PDGFC: variants seen among roughly 807,000 people sequenced by gnomAD.
The protein encoded by PDGFC is platelet derived growth factor C.
Under a neutral mutation model 35.5 loss-of-function variants are expected in PDGFC, and 12 were observed. The observed-to-expected ratio is 0.34, with a 90% confidence interval of 0.22 to 0.55. The LOEUF (loss-of-function observed/expected upper bound fraction) is 0.55, where lower values mean the gene tolerates loss of function less well. Among genes scored for constraint, PDGFC ranks in the 20% least tolerant of loss-of-function variants. The pLI, the probability that PDGFC is intolerant of heterozygous loss-of-function variation, is 0.91. For synonymous variants in PDGFC, 159 were observed against 148.8 expected (o/e 1.07, Z -0.50); for missense variants, 322 against 412.4 (o/e 0.78, Z 1.90).
intron 2 of PDGFC, among the ~76,000 whole-genome samples, chr4:156,825,582 A>G (rs1424668371): frequency 5.5e-5 from 6 of 109,638 alleles, no homozygotes; most frequent in African/African-American, 2.5e-4. Flanking sequence ...TAATAATAAT[A>G]ATAATAATAA....
At chr4:156,917,746 C>T (rs1338287678) in intron 1 of PDGFC, among the ~76,000 whole-genome samples, 1 of 152,180 alleles carries the variant, frequency 6.6e-6, no homozygotes, top group Non-Finnish European at 1.5e-5. Flanking sequence ...ACATGAGTTA[C>T]ACTCAACCGA....
chr4:156,761,661 T>C lies in PDGFC; in HGVS notation c.*1429A>G, dbSNP rs1234689793. ...TTCTTTTATTTGATGATTCAATACA[T>C]TTTTGATTCAAATAGTCACCACATA... On this transcript the variant is annotated 3_prime_UTR_variant, in exon 6 of 6. Transcript: ENST00000502773. 6.6e-6 allele frequency: 1 copy of C among 152,662 alleles called. No individual in the cohort carries two copies. The highest frequency in any genetic ancestry group is 1.5e-5 in the Non-Finnish European group (1 of 68,034). 9.5% of individuals were successfully genotyped at this position (152,662 alleles called of 1,614,324 possible). A position where few individuals can be genotyped will look rare whatever the true frequency, so the allele number is the denominator to read the frequency against.
At chr4:156,763,712 C>T (rs1396530079) in intron 5 of PDGFC, among the ~76,000 whole-genome samples, 4 of 152,228 alleles carry the variant, frequency 2.6e-5, no homozygotes, top group African/African-American at 9.6e-5. Flanking sequence ...CATTAATTTT[C>T]TTGGCTACAC....
chr4:156,904,702 C>T (rs965365043), intron 1 of PDGFC, among the ~76,000 whole-genome samples: 1 of 152,074 alleles, frequency 6.6e-6, no homozygotes, highest in Non-Finnish European at 1.5e-5. Flanking sequence ...ACCTCCTCAG[C>T]AAATCCTTCC....
Position 156,949,809 on chromosome 4 carries a change from C to T in PDGFC, c.118+20977G>A, listed in dbSNP as rs76695187. 4.5e-3 allele frequency among the ~76,000 whole-genome samples: 680 copies of T among 152,036 alleles called. 22 individuals carry two copies. The East Asian group carries it at 0.1, about 23-fold the overall frequency. Reference sequence around the variant, plus strand: ...AGAAAACAGAACTGTTTCCCCTTCCCCTACGTCCCCTTGAGGACATACCTG... The same window carrying T: ...AGAAAACAGAACTGTTTCCCCTTCCTCTACGTCCCCTTGAGGACATACCTG... On this transcript the variant is annotated intron_variant, in intron 1 of 5. Transcript: ENST00000502773.
intron 1 of PDGFC, among the ~76,000 whole-genome samples, chr4:156,901,128 G>A (rs888807795): frequency 6.6e-6 from 1 of 152,128 alleles, no homozygotes; most frequent in Non-Finnish European, 1.5e-5. Context: ...AAATCCTTTG[G>A]TATGTTTCTT....
intron 1 of PDGFC, among the ~76,000 whole-genome samples, chr4:156,963,632 G>A (rs777316371): frequency 7.2e-5 from 11 of 152,094 alleles, no homozygotes; most frequent in Non-Finnish European, 1.2e-4. Flanking sequence ...GCAAATAACC[G>A]TCCAGGGAGG....
chr4:156,929,255 C>G (rs908910272), intron 1 of PDGFC, among the ~76,000 whole-genome samples: 1 of 152,076 alleles, frequency 6.6e-6, no homozygotes, highest in African/African-American at 2.4e-5. Flanking sequence ...AAGTCTTAAT[C>G]AAATACTCAA....
Position 156,860,162 on chromosome 4 carries a change from T to C in PDGFC, c.119-9746A>G, listed in dbSNP as rs10517656. 4.2e-3 allele frequency among the ~76,000 whole-genome samples: 637 copies of C among 152,304 alleles called. 27 individuals carry two copies. The East Asian group carries it at 0.1, about 24-fold the overall frequency. On this transcript the variant is annotated intron_variant, in intron 1 of 5. Coordinates refer to ENST00000502773, the MANE Select transcript of PDGFC (RefSeq NM_016205.3). ...AAATTCTGTTAGCAAGGTGAGATTA[T>C]TCTCTAACACCCCATTATCACTAGT...
chr4:156,898,111 A>G (rs1324419207), intron 1 of PDGFC, among the ~76,000 whole-genome samples: 1 of 152,172 alleles, frequency 6.6e-6, no homozygotes, highest in Non-Finnish European at 1.5e-5. Context: ...TAGGTCATGA[A>G]GGTGGAGGCC....
At chr4:156,956,644 A>C (rs1399594447) in intron 1 of PDGFC, among the ~76,000 whole-genome samples, 2 of 152,042 alleles carry the variant, frequency 1.3e-5, no homozygotes, top group Non-Finnish European at 1.5e-5. Flanking sequence ...GTTTGGGATG[A>C]CAGTGAGAAT....
At chr4:156,803,122 A>C (rs1274163690) in intron 3 of PDGFC, among the ~76,000 whole-genome samples, 3 of 152,144 alleles carry the variant, frequency 2.0e-5, no homozygotes, top group Non-Finnish European at 4.4e-5. Context: ...AGCAGTCCAC[A>C]TTGGAGCAGG....
chr4:156,960,251 G>GT (rs1032468992), intron 1 of PDGFC, among the ~76,000 whole-genome samples: 1 of 132,176 alleles, frequency 7.6e-6, no homozygotes, highest in African/African-American at 3.6e-5. Context: ...ATATATAACT[G>GT]TTATATATAT....
chr4:156,931,276 A>G (rs1377203298), intron 1 of PDGFC, among the ~76,000 whole-genome samples: 1 of 152,222 alleles, frequency 6.6e-6, no homozygotes, highest in Non-Finnish European at 1.5e-5. Context: ...GCTAATGTAG[A>G]GTTTCTGAAA....
intron 3 of PDGFC, among the ~76,000 whole-genome samples, chr4:156,808,510 G>C (rs947518308): frequency 6.6e-6 from 1 of 151,960 alleles, no homozygotes; most frequent in East Asian, 1.9e-4. Context: ...CAGGGGCTTG[G>C]AGGGACCCTT....
At chr4:156,933,855 T>A (rs1365221234) in intron 1 of PDGFC, among the ~76,000 whole-genome samples, 1 of 152,162 alleles carries the variant, frequency 6.6e-6, no homozygotes, top group Non-Finnish European at 1.5e-5. Flanking sequence ...CCTTGCTTCC[T>A]CTTCACCTTT....
chr4:156,876,126 C>A (rs1042149499), intron 1 of PDGFC, among the ~76,000 whole-genome samples: 3 of 152,064 alleles, frequency 2.0e-5, no homozygotes, highest in Admixed American at 2.0e-4. Flanking sequence ...CAAAACAAAA[C>A]AATGACCTGA....
Position 156,767,875 on chromosome 4 carries a change from A to G in PDGFC, c.819T>C (p.Gly273=). 2 of 1,611,228 alleles carry G rather than the reference A, an allele frequency of 1.2e-6. No homozygotes were observed. The highest frequency in any genetic ancestry group is 1.7e-6 in the Non-Finnish European group (2 of 1,177,554). ...LKRTDTIFWP[G]CLLVKRCGGN... The stretch of plus-strand genomic sequence containing the variant: ...CACCACAGCGTTTAACCAGGAGACA[A>G]CCTGGCCAGAAAATGGTATCGGTTC... The change falls in exon 5 of 6, where the codon GGT becomes GGC. Residue 273 remains glycine, a synonymous_variant. Transcript: ENST00000502773.
intron 1 of PDGFC, among the ~76,000 whole-genome samples, chr4:156,933,593 G>T (rs2110884300): frequency 6.6e-6 from 1 of 152,282 alleles, no homozygotes; most frequent in Admixed American, 6.5e-5. Context: ...GTGCTGAAGT[G>T]CTGTCTAGTG....
Sources: allele counts gnomAD v4.1 joint callset (sites outside exome capture counted in the v4.1 genomes callset), GRCh38; gene constraint gnomAD v4.1.1; transcripts MANE v1.5; gene names NCBI Gene and HGNC (gene_info 2026-07-23, HGNC 2026-07-21).